The following FMN1 variants were observed in gnomAD, a reference collection of about 807,000 sequenced individuals.
FMN1 encodes formin 1, also known as formin-1.
In FMN1, 110 loss-of-function variants were observed where a neutral mutation model predicts 132.4. That is an observed-to-expected ratio of 0.83 (90% CI 0.71 to 0.97). FMN1 has a LOEUF of 0.97. Among genes scored for constraint, FMN1 ranks in the 50% least tolerant of loss-of-function variants. FMN1 has a pLI of 0.00. For synonymous variants in FMN1, 722 were observed against 651.7 expected (o/e 1.11, Z -1.64); for missense variants, 1,792 against 1,705.3 (o/e 1.05, Z -0.90).
rs140815310 is a variant in FMN1, at chr15:32,847,676, A to C, written c.3928+9339T>G. ...GAGACCATCCTGGCTAACGCAGTGAAACCCCGTCTCTACTAAAAATTACAA... is the reference window on the plus strand; with the variant it reads ...GAGACCATCCTGGCTAACGCAGTGACACCCCGTCTCTACTAAAAATTACAA... On this transcript the variant is annotated intron_variant, in intron 17 of 20. Coordinates refer to ENST00000616417, the MANE Select transcript of FMN1 (RefSeq NM_001277313.2). Among the ~76,000 whole-genome samples the C allele has an allele frequency of 6.2e-3, 939 of 152,300 alleles. 8 individuals are homozygous for C. Among genetic ancestry groups the C allele is most frequent in the African/African-American group, 0.022 (896 of 41,556 alleles).
chr15:33,165,483 C>CGGGGCA (rs1566962674), intron 3 of FMN1, among the ~76,000 whole-genome samples: 1 of 152,142 alleles, frequency 6.6e-6, no homozygotes, highest in Non-Finnish European at 1.5e-5. Flanking sequence ...CTCCGCCTCC[C>CGGGGCA]GGGTTCACGC....
chr15:33,118,048 T>C (rs964866186), intron 4 of FMN1, among the ~76,000 whole-genome samples: 2 of 152,210 alleles, frequency 1.3e-5, no homozygotes, highest in Non-Finnish European at 2.9e-5. Flanking sequence ...AAAAATTTTC[T>C]AAAACTGCTT....
chr15:32,934,927 C>CTTT (rs71309472), intron 9 of FMN1, among the ~76,000 whole-genome samples: 1 of 141,402 alleles, frequency 7.1e-6, no homozygotes, highest in Non-Finnish European at 1.5e-5. Flanking sequence ...TTTTCTTTTT[C>CTTT]TTTTTTTTTT....
intron 6 of FMN1, chr15:33,012,236 C>T (rs996889228): frequency 1.3e-5 from 9 of 681,498 alleles, no homozygotes; most frequent in South Asian, 4.4e-5. Context: ...CAATGGGGAA[C>T]GCTCAAGAAC....
chr15:32,883,671 G>A (rs1390925989), intron 16 of FMN1, among the ~76,000 whole-genome samples: 1 of 151,924 alleles, frequency 6.6e-6, no homozygotes, highest in East Asian at 1.9e-4. Context: ...ACCAACAACC[G>A]TGTTGCTAGT....
At chr15:33,113,688 C>T (rs906915887) in intron 4 of FMN1, among the ~76,000 whole-genome samples, 1 of 152,154 alleles carries the variant, frequency 6.6e-6, no homozygotes, top group Non-Finnish European at 1.5e-5. Flanking sequence ...TACTTCTCCC[C>T]CTTCTAGACA....
chr15:33,104,073 G>A (rs1453550088), intron 4 of FMN1, among the ~76,000 whole-genome samples: 1 of 152,016 alleles, frequency 6.6e-6, no homozygotes, highest in Non-Finnish European at 1.5e-5. Context: ...GAATAAAATT[G>A]AGTTCATCAT....
chr15:32,785,220 T>TA (rs1567163233), intron 19 of FMN1, among the ~76,000 whole-genome samples: 285 of 26,110 alleles, frequency 0.011, 17 homozygotes, highest in African/African-American at 0.027. Flanking sequence ...ATATATATAT[T>TA]TTTTTTTTTT....
rs1596228926 is a variant in FMN1, at chr15:32,901,597, G to C, written c.3507+314C>G. Among the ~76,000 whole-genome samples, 2 of 152,292 alleles carry C rather than the reference G, an allele frequency of 1.3e-5. 1 individual carries two copies. The highest frequency in any genetic ancestry group is 3.9e-4 in the East Asian group (2 of 5,184). ...TTCTGCAATCCAAATTGTAAAATAAGAAACAGACCATGCTATTTAGATTGG... is the reference window on the plus strand; with the variant it reads ...TTCTGCAATCCAAATTGTAAAATAACAAACAGACCATGCTATTTAGATTGG... On this transcript the variant is annotated intron_variant, in intron 13 of 20. Coordinates refer to ENST00000616417, the MANE Select transcript of FMN1 (RefSeq NM_001277313.2).
intron 3 of FMN1, among the ~76,000 whole-genome samples, chr15:33,156,681 G>T (rs369061166): frequency 6.6e-6 from 1 of 151,950 alleles, no homozygotes; most frequent in South Asian, 2.1e-4. Context: ...GTAAAAACTC[G>T]CTGCATGTGT....
chr15:33,050,606 A>G (rs1054650365), intron 6 of FMN1, among the ~76,000 whole-genome samples: 1 of 152,240 alleles, frequency 6.6e-6, no homozygotes, highest in Non-Finnish European at 1.5e-5. Context: ...AATTAAATAA[A>G]TGCTGGTGAA....
At chr15:32,924,723 C>T (rs2060914938) in intron 10 of FMN1, among the ~76,000 whole-genome samples, 1 of 152,206 alleles carries the variant, frequency 6.6e-6, no homozygotes, top group South Asian at 2.1e-4. Flanking sequence ...AGTTCGAGAC[C>T]AGTCTGACCA....
At chr15:32,794,051 G>A (rs747523237) in intron 19 of FMN1, among the ~76,000 whole-genome samples, 2 of 152,144 alleles carry the variant, frequency 1.3e-5, no homozygotes, top group Non-Finnish European at 2.9e-5. Flanking sequence ...CAGCTTTCAG[G>A]ATAGCCTCAC....
At position 33,180,744 on chromosome 15, in the gene FMN1, C is replaced by CTTTT. The variant is rs35033683; in HGVS notation, c.-196-486_-196-483dup. ...ATCCCTTCAGAGGCTCTCCTGCTGC[C>CTTTT]TTTTTTTTTTTTTTTTTTTTTTAAG... On this transcript the variant is annotated intron_variant, in intron 2 of 20. Coordinates refer to ENST00000616417, the MANE Select transcript of FMN1 (RefSeq NM_001277313.2). 5.8e-3 allele frequency among the ~76,000 whole-genome samples: 626 copies of CTTTT among 108,216 alleles called. 15 individuals are homozygous for CTTTT. The highest frequency in any genetic ancestry group is 0.021 in the African/African-American group (574 of 27,862). 71.0% of individuals were successfully genotyped at this position (108,216 alleles called of 152,430 possible). A position where few individuals can be genotyped will look rare whatever the true frequency, so the allele number is the denominator to read the frequency against.
intron 4 of FMN1, among the ~76,000 whole-genome samples, chr15:33,114,428 G>A (rs930198218): frequency 6.6e-6 from 1 of 152,226 alleles, no homozygotes. Flanking sequence ...ATTTTGCAAA[G>A]AATCTGCATA....
At chr15:32,832,029 AG>A (rs1459306777) in intron 17 of FMN1, among the ~76,000 whole-genome samples, 3 of 152,218 alleles carry the variant, frequency 2.0e-5, no homozygotes, top group Non-Finnish European at 1.5e-5. Context: ...GGTCAGCACC[AG>A]ACCAACAATA....
chr15:32,798,762 A>G (rs909854856), intron 19 of FMN1, 42 bp downstream of exon 19: 14 of 1,548,644 alleles, frequency 9.0e-6, no homozygotes, highest in African/African-American at 1.4e-5. Flanking sequence ...GCAGTTTCCT[A>G]GGCTCCTGAA....
rs1005124147 is a variant in FMN1 at position 32,771,690 on chromosome 15, C to T, written c.*2620G>A. ...AGAACAGCCACTTAAAGCCTGCTGGCAGGATGTGCTTAAGCTGCCAAATGG... is the reference window on the plus strand; with the variant it reads ...AGAACAGCCACTTAAAGCCTGCTGGTAGGATGTGCTTAAGCTGCCAAATGG... On this transcript the variant is annotated 3_prime_UTR_variant, in exon 21 of 21. Transcript: ENST00000616417. 4.6e-5 allele frequency: 7 copies of T among 152,356 alleles called. No homozygotes were observed. Among genetic ancestry groups the T allele is most frequent in the Non-Finnish European group, 8.8e-5 (6 of 68,046 alleles). The allele number at this position is 152,356 out of a possible 1,614,324, so 9.4% of individuals were successfully genotyped here.
At chr15:32,780,077 A>T (rs1188063268) in intron 19 of FMN1, among the ~76,000 whole-genome samples, 1 of 152,204 alleles carries the variant, frequency 6.6e-6, no homozygotes, top group Non-Finnish European at 1.5e-5. Context: ...TGTGTGCCTT[A>T]TTTCCTAAAA....
Sources: gnomAD v4.1 joint callset for allele counts (sites outside exome capture counted in the v4.1 genomes callset) on GRCh38, gnomAD v4.1.1 for gene constraint, MANE v1.5 for transcripts, NCBI Gene and HGNC (gene_info 2026-07-23, HGNC 2026-07-21) for gene names.